The following MIB1 variants were observed in gnomAD, a reference collection of about 807,000 sequenced individuals.
MIB1 encodes MIB E3 ubiquitin protein ligase 1, also known as E3 ubiquitin-protein ligase MIB1.
MIB1 carries 278 observed loss-of-function variants against 124.5 expected under a neutral mutation model. The ratio of observed to expected loss-of-function variants is 2.23; its 90% confidence interval spans 2.02 to 2.47. MIB1 has a LOEUF of 2.47. Ranked by LOEUF, MIB1 falls within the 30% of genes most tolerant of loss-of-function variation. The pLI is 0.00. For synonymous variants in MIB1, 446 were observed against 429.4 expected, an observed-to-expected ratio of 1.04 and a Z score of -0.48; for missense variants, 957 against 1,254.4, an observed-to-expected ratio of 0.76 and a Z score of 3.58.
chr18:21,762,495 T>C (rs545313017), intron 1 of MIB1, among the ~76,000 whole-genome samples: 1 of 152,350 alleles, frequency 6.6e-6, no homozygotes, highest in East Asian at 1.9e-4. Flanking sequence ...GCATCTAAAT[T>C]GCATAATACA....
At chr18:21,715,177 C>A (rs1306426970) in intron 1 of MIB1, among the ~76,000 whole-genome samples, 1 of 152,136 alleles carries the variant, frequency 6.6e-6, no homozygotes, top group East Asian at 1.9e-4. Context: ...ACAGATGGCT[C>A]ATATCACAGG....
intron 20 of MIB1, among the ~76,000 whole-genome samples, chr18:21,863,086 C>A (rs1381083457): frequency 6.6e-6 from 1 of 152,148 alleles, no homozygotes; most frequent in Non-Finnish European, 1.5e-5. Context: ...GACAGAGGTG[C>A]GCTGCTTACT....
chr18:21,776,705 C>T (rs768974288), intron 4 of MIB1, among the ~76,000 whole-genome samples: 3 of 152,080 alleles, frequency 2.0e-5, no homozygotes, highest in Non-Finnish European at 2.9e-5. Context: ...GATGTAAGGC[C>T]GGGTGCAGTG....
At chr18:21,776,976 CA>C (rs1015805536) in intron 4 of MIB1, among the ~76,000 whole-genome samples, 36 of 134,734 alleles carry the variant, frequency 2.7e-4, no homozygotes, top group East Asian at 4.3e-4. Context: ...GACTCCATCT[CA>C]AAAAAAAAAA....
intron 1 of MIB1, among the ~76,000 whole-genome samples, chr18:21,746,067 A>T (rs2040909657): frequency 6.6e-6 from 1 of 152,198 alleles, no homozygotes. Context: ...CCTTATATTT[A>T]TCAGAGGGAG....
At chr18:21,774,287 A>G (rs539653693) in intron 4 of MIB1, among the ~76,000 whole-genome samples, 6 of 152,292 alleles carry the variant, frequency 3.9e-5, no homozygotes, top group South Asian at 4.1e-4. Flanking sequence ...TTCATGGACC[A>G]TTGTTCAAGC....
At chr18:21,842,680 G>A (rs909832367) in intron 13 of MIB1, among the ~76,000 whole-genome samples, 39 of 152,324 alleles carry the variant, frequency 2.6e-4, no homozygotes, top group African/African-American at 9.4e-4. Context: ...TTCACAGAGT[G>A]AGGAAGAGCT....
chr18:21,715,478 C>A (rs891233933), intron 1 of MIB1, among the ~76,000 whole-genome samples: 4 of 151,716 alleles, frequency 2.6e-5, no homozygotes, highest in African/African-American at 9.7e-5. Context: ...AAAAAGAAAC[C>A]ACACTAGCTC....
intron 6 of MIB1, among the ~76,000 whole-genome samples, chr18:21,788,683 T>G (rs941023455): frequency 1.3e-5 from 2 of 152,176 alleles, no homozygotes; most frequent in East Asian, 1.9e-4. Flanking sequence ...AAACTAACTT[T>G]GCTTACAGAT....
intron 1 of MIB1, among the ~76,000 whole-genome samples, chr18:21,713,349 C>T (rs902460304): frequency 5.8e-4 from 84 of 145,462 alleles, no homozygotes; most frequent in Admixed American, 5.5e-4. Flanking sequence ...CGGTGGCTCA[C>T]GCCTATAATC....
In MIB1 at chr18:21,713,485, C is replaced by T. The variant is rs144490373; in HGVS notation, n.167+8362C>T. 1.7e-3 allele frequency among the ~76,000 whole-genome samples: 251 copies of T among 151,692 alleles called. 1 individual carries two copies. The East Asian group carries it at 0.039, about 24-fold the overall frequency. On this transcript the variant is annotated intron_variant and non_coding_transcript_variant, in intron 1 of 20. Transcript: ENST00000578646. ...AAAATTAGCCGGGCATGGTGGCACG[C>T]GCCTGTAATCCCAGCTACTCGGGAG...
chr18:21,854,596 CTTT>C (rs34762697), intron 18 of MIB1: 48 of 116,300 alleles, frequency 4.1e-4, no homozygotes, highest in Middle Eastern at 4.9e-3. Flanking sequence ...GCGTTTGCTC[CTTT>C]TTTTTTTTTT....
At chr18:21,770,203 C>G (rs1281274958) in intron 3 of MIB1, among the ~76,000 whole-genome samples, 2 of 152,130 alleles carry the variant, frequency 1.3e-5, no homozygotes, top group Non-Finnish European at 2.9e-5. Context: ...GACTCCATCT[C>G]AAAACAGACA....
intron 8 of MIB1, 52 bp from the exon 9 acceptor site, chr18:21,799,789 A>G: frequency 6.5e-7 from 1 of 1,536,072 alleles, no homozygotes; most frequent in Non-Finnish European, 8.8e-7. Flanking sequence ...GTTTCTTAGT[A>G]GTTAAGGTTT....
Position 21,720,877 on chromosome 18 carries a change from CA to C in MIB1, n.167+15755del, listed in dbSNP as rs376430392. ...GGCTGAGGCAGGAGGATTGCTTCAA[CA>C]CAGGAGTTCGAGGCTGCAGTAAGCC... On this transcript the variant is annotated intron_variant and non_coding_transcript_variant, in intron 1 of 20. Transcript: ENST00000578646. Among the ~76,000 whole-genome samples the C allele has an allele frequency of 4.6e-4, 70 of 152,232 alleles. No homozygotes were observed. In the South Asian group the frequency reaches 8.7e-3, roughly 19 times the overall value.
At chr18:21,836,487 C>T (rs2042034190) in intron 12 of MIB1, among the ~76,000 whole-genome samples, 1 of 152,076 alleles carries the variant, frequency 6.6e-6, no homozygotes, top group Non-Finnish European at 1.5e-5. Flanking sequence ...CGTCATCCCT[C>T]CTTACCCCTT....
At chr18:21,846,882 T>G in intron 15 of MIB1, 62 bp from the exon 16 acceptor site, 1 of 1,488,162 alleles carries the variant, frequency 6.7e-7, no homozygotes. Context: ...TACATATATA[T>G]GATGACAAGA....
chr18:21,780,426 A>G (rs769464997), intron 6 of MIB1, among the ~76,000 whole-genome samples: 3 of 151,864 alleles, frequency 2.0e-5, no homozygotes, highest in Non-Finnish European at 4.4e-5. Flanking sequence ...CCACCAATCA[A>G]CTTTCTATCT....
intron 1 of MIB1, among the ~76,000 whole-genome samples, chr18:21,754,124 A>G (rs2041004999): frequency 6.6e-6 from 1 of 152,236 alleles, no homozygotes; most frequent in Non-Finnish European, 1.5e-5. Flanking sequence ...AGGAGGCACT[A>G]GAGGGAGACT....
Sources: allele counts gnomAD v4.1 joint callset (sites outside exome capture counted in the v4.1 genomes callset), GRCh38; gene constraint gnomAD v4.1.1; transcripts MANE v1.5; gene names NCBI Gene and HGNC (gene_info 2026-07-23, HGNC 2026-07-21).